The following IL17RD variants were observed in gnomAD, a reference collection of about 807,000 sequenced individuals.
The protein encoded by IL17RD is interleukin-17 receptor D.
In IL17RD, 52 loss-of-function variants were observed where a neutral mutation model predicts 80.5. The ratio of observed to expected loss-of-function variants is 0.65; its 90% CI spans 0.52 to 0.81. IL17RD has a LOEUF of 0.81. Among genes scored for constraint, IL17RD ranks in the 40% least tolerant of loss-of-function variants. The probability of loss-of-function intolerance (pLI) is 0.00; values close to 1 mark genes in which losing one functional copy is unlikely to be tolerated. For synonymous variants in IL17RD, 416 were observed against 391.8 expected (o/e 1.06, Z -0.73); for missense variants, 1,024 against 955.1 (o/e 1.07, Z -0.95).
At chr3:57,123,736 T>A (rs1192871437) in intron 1 of IL17RD, among the ~76,000 whole-genome samples, 1 of 152,164 alleles carries the variant, frequency 6.6e-6, no homozygotes, top group Non-Finnish European at 1.5e-5. Context: ...AGGTATTAGT[T>A]CTTACATGCA....
chr3:57,101,003 T>C (rs1706814336), intron 11 of IL17RD, among the ~76,000 whole-genome samples, 176 bp downstream of exon 11: 1 of 152,124 alleles, frequency 6.6e-6, no homozygotes, highest in African/African-American at 2.4e-5. Context: ...TTAGTGCTGG[T>C]GATGGGTAAG....
At chr3:57,149,559 G>A (rs80109833) in intron 1 of IL17RD, among the ~76,000 whole-genome samples, 1,918 of 152,212 alleles carry the variant, frequency 0.013, 55 homozygotes, top group African/African-American at 0.044. Context: ...TGTCCAATAG[G>A]GTAGCCTCTA....
chr3:57,153,610 G>A (rs2060244765), intron 1 of IL17RD, among the ~76,000 whole-genome samples: 1 of 152,226 alleles, frequency 6.6e-6, no homozygotes, highest in Non-Finnish European at 1.5e-5. Flanking sequence ...AGTGAGGTAA[G>A]TGTAGCAAAA....
intron 1 of IL17RD, chr3:57,134,081 T>C (rs1707668720): frequency 6.5e-6 from 3 of 464,980 alleles, no homozygotes; most frequent in Non-Finnish European, 7.9e-6. Flanking sequence ...CTGGCTAAAC[T>C]GACTTTAAAC....
At chr3:57,112,992 C>G (rs756332732) in intron 3 of IL17RD, among the ~76,000 whole-genome samples, 5 of 152,084 alleles carry the variant, frequency 3.3e-5, no homozygotes, top group Non-Finnish European at 7.4e-5. Context: ...TCTCATCTCC[C>G]CTCTACAGAT....
intron 11 of IL17RD, 91 bp downstream of exon 11, chr3:57,101,088 A>G: frequency 1.0e-6 from 1 of 997,086 alleles, no homozygotes; most frequent in Non-Finnish European, 1.5e-6. Flanking sequence ...GTGTCACCAC[A>G]GGAGGCCCAG....
intron 1 of IL17RD, among the ~76,000 whole-genome samples, chr3:57,141,991 T>C (rs1707837704): frequency 6.6e-6 from 1 of 152,056 alleles, no homozygotes. Flanking sequence ...GAGCAGCCCC[T>C]GCCCCATTGC....
At chr3:57,124,503 A>G (rs1283396927) in intron 1 of IL17RD, among the ~76,000 whole-genome samples, 1 of 128,268 alleles carries the variant, frequency 7.8e-6, no homozygotes, top group Non-Finnish European at 1.7e-5. Flanking sequence ...ATCGATTTTA[A>G]GTACTGGTTT....
At chr3:57,117,968 A>C (rs1579280375) in intron 2 of IL17RD, among the ~76,000 whole-genome samples, 1 of 152,188 alleles carries the variant, frequency 6.6e-6, no homozygotes, top group Non-Finnish European at 1.5e-5. Context: ...TGGGCCAAAT[A>C]TTTGGTATTA....
rs1290937794 is a variant in IL17RD, at chr3:57,093,715, CT to C, written c.*2677del. The stretch of plus-strand genomic sequence containing the variant: ...GGCACCTTGTATGGCTGGGCTGAGT[CT>C]GTTGAGGTGGTCTCTGTTGAGGTGG... On this transcript the variant is annotated 3_prime_UTR_variant, in exon 13 of 13. Coordinates refer to ENST00000296318, the MANE Select transcript of IL17RD (RefSeq NM_017563.5). The C allele has an allele frequency of 8.5e-5, 13 of 152,154 alleles. No individual in the cohort carries two copies. The highest frequency in any genetic ancestry group is 2.7e-4 in the African/African-American group (11 of 41,400). The allele number at this position is 152,154 out of a possible 1,614,324, so 9.4% of individuals were successfully genotyped here. A position where few individuals can be genotyped will look rare whatever the true frequency, so the allele number is the denominator to read the frequency against.
rs151221314 is a variant in IL17RD, at chr3:57,102,519, G to A, written c.939C>T (p.Phe313=). ...GGCACATCACAGTGAAGAGCGTCGC[G>A]AATGCCGATATGACTACCAGTGGCA... ...ITVPLVVISA[F]ATLFTVMCRK... Residue 313 remains phenylalanine, a synonymous_variant, in exon 10 of 13, where the codon TTC becomes TTT. Transcript: ENST00000296318. 59 of 1,579,466 alleles carry A rather than the reference G, an allele frequency of 3.7e-5. 1 individual carries two copies. The East Asian group carries it at 4.8e-4, about 13-fold the overall frequency.
intron 1 of IL17RD, among the ~76,000 whole-genome samples, chr3:57,144,265 C>T (rs12494525): frequency 0.15 from 22,522 of 152,128 alleles, 2,218 homozygotes; most frequent in East Asian, 0.38. Flanking sequence ...GGCCTGTTAT[C>T]ACACACAGTT....
intron 1 of IL17RD, among the ~76,000 whole-genome samples, chr3:57,127,444 C>T (rs1365289069): frequency 2.2e-5 from 3 of 136,068 alleles, no homozygotes; most frequent in Admixed American, 7.7e-5. Context: ...CTTGCTTTGT[C>T]GCCCAGGCTG....
At chr3:57,163,025 G>C (rs2060316328) in intron 1 of IL17RD, among the ~76,000 whole-genome samples, 1 of 152,170 alleles carries the variant, frequency 6.6e-6, no homozygotes, top group African/African-American at 2.4e-5. Context: ...AAGCACAGAG[G>C]GCATCCATCC....
chr3:57,163,364 G>A (rs1258364182), intron 1 of IL17RD, among the ~76,000 whole-genome samples: 2 of 152,112 alleles, frequency 1.3e-5, no homozygotes, highest in East Asian at 3.9e-4. Context: ...TTTTATGAGG[G>A]TGCAGGTTTG....
intron 1 of IL17RD, among the ~76,000 whole-genome samples, chr3:57,152,568 G>A (rs577510575): frequency 6.6e-6 from 1 of 152,308 alleles, no homozygotes; most frequent in South Asian, 2.1e-4. Flanking sequence ...TGTCTCTGTT[G>A]TTTCCCTGGT....
In IL17RD at chr3:57,150,302, C is replaced by G. The variant is rs144681557; in HGVS notation, c.126+14859G>C. ...TCTAGTCTCGCCTCTTTCCACCCCC[C>G]ATTAGTTGCTTTGTTGCACATGGCA... On this transcript the variant is annotated intron_variant, in intron 1 of 12. Coordinates refer to ENST00000296318, the MANE Select transcript of IL17RD (RefSeq NM_017563.5). The G allele has an allele frequency of 3.9e-5, 6 of 152,374 alleles. No homozygotes were observed. In the East Asian group the frequency reaches 1.2e-3, roughly 29 times the overall value. The allele number at this position is 152,374 out of a possible 1,614,324, so 9.4% of individuals were successfully genotyped here. A position where few individuals can be genotyped will look rare whatever the true frequency, so the allele number is the denominator to read the frequency against.
Position 57,098,312 on chromosome 3 carries a change from G to T in IL17RD, c.1391C>A (p.Ala464Asp), listed in dbSNP as rs1706742993. ...GAGCGCCGCGGACGAACTCTGCTTG[G>T]CCTGGCGGAGCTTTTCGGCAATGGC... ...VSAIAEKLRQ[A>D]KQSSSAALSK... The change falls in exon 12 of 13, where the codon GCC (alanine) becomes GAC (aspartate). Residue 464 changes from alanine (A) to aspartate (D), a missense_variant. By Grantham distance (126) the Ala-to-Asp change is moderately radical. Transcript: ENST00000296318. 1.9e-6 allele frequency: 3 copies of T among 1,613,890 alleles called. No individual in the cohort carries two copies. Among genetic ancestry groups the T allele is most frequent in the Non-Finnish European group, 2.5e-6 (3 of 1,179,904 alleles).
intron 1 of IL17RD, among the ~76,000 whole-genome samples, chr3:57,154,690 C>A (rs2060256126): frequency 6.6e-6 from 1 of 152,146 alleles, no homozygotes; most frequent in South Asian, 2.1e-4. Flanking sequence ...CTTGGGCATG[C>A]CAGCACTGGG....
Sources: allele counts gnomAD v4.1 joint callset (sites outside exome capture counted in the v4.1 genomes callset), GRCh38; gene constraint gnomAD v4.1.1; transcripts MANE v1.5; gene names NCBI Gene and HGNC (gene_info 2026-07-23, HGNC 2026-07-21).